SGMS2: variants seen among roughly 807,000 people sequenced by gnomAD.
SGMS2 encodes the protein phosphatidylcholine:ceramide cholinephosphotransferase 2.
Under a neutral mutation model 43.8 loss-of-function variants are expected in SGMS2, and 21 were observed. The observed-to-expected ratio is 0.48, with a 90% CI of 0.34 to 0.69. The LOEUF (loss-of-function observed/expected upper bound fraction) is 0.69, where lower values mean the gene tolerates loss of function less well. Among genes scored for constraint, SGMS2 ranks in the 30% least tolerant of loss-of-function variants. The probability of loss-of-function intolerance (pLI) is 0.01; values close to 1 mark genes in which losing one functional copy is unlikely to be tolerated. For missense variants in SGMS2, 384 were observed against 443.2 expected (o/e 0.87, Z 1.20); for synonymous variants, 167 against 160.6 (o/e 1.04, Z -0.30).
intron 2 of SGMS2, among the ~76,000 whole-genome samples, chr4:107,878,443 T>G (rs565150678): frequency 1.8e-4 from 27 of 152,300 alleles, no homozygotes; most frequent in African/African-American, 6.5e-4. Context: ...TAGGGTATAT[T>G]TGAATGGAAA....
At chr4:107,847,834 A>G (rs1726919528) in intron 1 of SGMS2, among the ~76,000 whole-genome samples, 1 of 152,164 alleles carries the variant, frequency 6.6e-6, no homozygotes, top group African/African-American at 2.4e-5. Flanking sequence ...AATGAACAGA[A>G]AGTACTGAGT....
chr4:107,883,531 G>A (rs991903705), intron 2 of SGMS2, among the ~76,000 whole-genome samples: 8 of 152,262 alleles, frequency 5.3e-5, no homozygotes, highest in African/African-American at 1.4e-4. Flanking sequence ...GGCCAGGCTG[G>A]TCTCAAACTA....
intron 1 of SGMS2, among the ~76,000 whole-genome samples, chr4:107,850,293 C>T (rs911950552): frequency 6.6e-6 from 1 of 152,158 alleles, no homozygotes; most frequent in Admixed American, 6.6e-5. Flanking sequence ...TTATAAATTA[C>T]CCAGTCTCAG....
At chr4:107,846,861 C>A (rs1191076969) in intron 1 of SGMS2, among the ~76,000 whole-genome samples, 1 of 149,994 alleles carries the variant, frequency 6.7e-6, no homozygotes, top group African/African-American at 2.4e-5. Flanking sequence ...CTCTGATGGC[C>A]AGTGATGATG....
intron 6 of SGMS2, among the ~76,000 whole-genome samples, chr4:107,909,916 C>T (rs1731967625): frequency 6.6e-6 from 1 of 152,082 alleles, no homozygotes; most frequent in Non-Finnish European, 1.5e-5. Flanking sequence ...CTCCCATTTC[C>T]ATCTTCCTTC....
chr4:107,887,068 G>T (rs183658160), intron 2 of SGMS2, among the ~76,000 whole-genome samples: 2 of 152,148 alleles, frequency 1.3e-5, no homozygotes, highest in African/African-American at 2.4e-5. Context: ...AACAAAAAAA[G>T]TTAAAAAGAT....
At chr4:107,844,620 C>T (rs567171364) in intron 1 of SGMS2, among the ~76,000 whole-genome samples, 1 of 152,134 alleles carries the variant, frequency 6.6e-6, no homozygotes, top group African/African-American at 2.4e-5. Flanking sequence ...GTGGGAGGAT[C>T]ACCTGACCTC....
chr4:107,843,645 T>G (rs1212789180), intron 1 of SGMS2, among the ~76,000 whole-genome samples: 1 of 152,188 alleles, frequency 6.6e-6, no homozygotes, highest in Admixed American at 6.6e-5. Context: ...TCCTTTGGGT[T>G]AGGACTGAAG....
intron 5 of SGMS2, chr4:107,907,150 G>A (rs184247289): frequency 1.3e-5 from 2 of 152,294 alleles, no homozygotes; most frequent in African/African-American, 2.4e-5. Context: ...GTGGCAGAAT[G>A]AAGTAACTGA....
chr4:107,859,486 G>A (rs1006634508), intron 2 of SGMS2, among the ~76,000 whole-genome samples: 1 of 152,076 alleles, frequency 6.6e-6, no homozygotes, highest in Admixed American at 6.6e-5. Flanking sequence ...CTTTGAGCTG[G>A]CACTAAGAAT....
At chr4:107,847,171 G>T (rs1235479787) in intron 1 of SGMS2, among the ~76,000 whole-genome samples, 1 of 151,576 alleles carries the variant, frequency 6.6e-6, no homozygotes, top group Non-Finnish European at 1.5e-5. Flanking sequence ...TGGTGTTTTA[G>T]ACATGAAGTC....
chr4:107,898,886 T>C (rs532050849), intron 3 of SGMS2, among the ~76,000 whole-genome samples: 1 of 152,328 alleles, frequency 6.6e-6, no homozygotes, highest in African/African-American at 2.4e-5. Flanking sequence ...TTTATCCTTT[T>C]TTTGATCAAG....
chr4:107,856,392 A>G (rs1207493465), intron 1 of SGMS2, among the ~76,000 whole-genome samples: 2 of 152,138 alleles, frequency 1.3e-5, no homozygotes, highest in Admixed American at 1.3e-4. Context: ...CTTTTTGACA[A>G]GGGCACACAT....
intron 1 of SGMS2, among the ~76,000 whole-genome samples, chr4:107,849,203 G>A (rs75351750): frequency 0.014 from 2,135 of 152,166 alleles, 52 homozygotes; most frequent in African/African-American, 0.047. Flanking sequence ...AGAATAGAGA[G>A]CTGTGTCTAC....
chr4:107,840,298 A>C (rs1726426514), intron 1 of SGMS2, among the ~76,000 whole-genome samples: 1 of 152,176 alleles, frequency 6.6e-6, no homozygotes, highest in Non-Finnish European at 1.5e-5. Flanking sequence ...GATTCACTGC[A>C]CTGTAGTAAT....
At chr4:107,901,619 A>G (rs1402184855) in intron 4 of SGMS2, among the ~76,000 whole-genome samples, 1 of 152,170 alleles carries the variant, frequency 6.6e-6, no homozygotes. Context: ...CTGCTCCCTT[A>G]TGTATCCTAT....
chr4:107,869,081 A>C (rs78156382), intron 2 of SGMS2, among the ~76,000 whole-genome samples: 3,095 of 152,210 alleles, frequency 0.02, 109 homozygotes, highest in African/African-American at 0.07. Context: ...CAAGAGGGGG[A>C]GGTTGGTTTC....
intron 2 of SGMS2, among the ~76,000 whole-genome samples, chr4:107,871,869 T>G (rs575073573): frequency 6.6e-6 from 1 of 152,220 alleles, no homozygotes; most frequent in African/African-American, 2.4e-5. Context: ...TTTGTTTTTA[T>G]TCTTCCTCTG....
intron 2 of SGMS2, among the ~76,000 whole-genome samples, chr4:107,871,912 A>T (rs1216590783): frequency 6.6e-6 from 1 of 152,144 alleles, no homozygotes; most frequent in Non-Finnish European, 1.5e-5. Context: ...CTTTTTTAAA[A>T]AACCTAATAT....
Sources: allele counts gnomAD v4.1 joint callset (sites outside exome capture counted in the v4.1 genomes callset), GRCh38; gene constraint gnomAD v4.1.1; transcripts MANE v1.5; gene names NCBI Gene and HGNC (gene_info 2026-07-23, HGNC 2026-07-21).